Variants in CYLC2 observed in about 807,000 individuals in gnomAD.
CYLC2 encodes cylicin 2, also known as cylicin-2.
In CYLC2, 30 loss-of-function variants were observed where a neutral mutation model predicts 26.1. The observed-to-expected ratio is 1.15, with a 90% CI of 0.86 to 1.56. CYLC2 has a LOEUF of 1.56. Among genes scored for constraint, CYLC2 ranks in the 40% most tolerant of loss-of-function variants. The pLI is 0.00. For missense variants in CYLC2, 498 were observed against 394.4 expected (o/e 1.26, Z -2.23); for synonymous variants, 158 against 132.8 (o/e 1.19, Z -1.31).
intron 3 of CYLC2, 100 bp downstream of exon 3, chr9:103,003,363 A>T: frequency 6.5e-6 from 7 of 1,074,544 alleles, no homozygotes; most frequent in South Asian, 3.3e-5. Flanking sequence ...AGTAATCACT[A>T]AGTAGTAAGC....
At chr9:103,012,941 A>G (rs1829423648) in intron 6 of CYLC2, among the ~76,000 whole-genome samples, 1 of 150,778 alleles carries the variant, frequency 6.6e-6, no homozygotes, top group African/African-American at 2.4e-5. Flanking sequence ...ATTCGGAAAA[A>G]AAGTTAAATT....
chr9:103,015,555 AT>A (rs1320442380), intron 6 of CYLC2, among the ~76,000 whole-genome samples: 10 of 143,206 alleles, frequency 7.0e-5, no homozygotes, highest in Non-Finnish European at 1.4e-4. Flanking sequence ...TATATAAAAT[AT>A]ATGTATATAT....
At chr9:102,996,809 T>G (rs1424409925) in intron 1 of CYLC2, among the ~76,000 whole-genome samples, 1 of 151,984 alleles carries the variant, frequency 6.6e-6, no homozygotes, top group Non-Finnish European at 1.5e-5. Flanking sequence ...ATTCCTTCTC[T>G]AATACCTTTG....
chr9:102,995,487 T>C, intron 1 of CYLC2, 90 bp downstream of exon 1: 3 of 921,606 alleles, frequency 3.3e-6, no homozygotes, highest in Admixed American at 1.8e-5. Context: ...TATTATATTA[T>C]TATGATGCCA....
At chr9:103,002,707 A>G in intron 2 of CYLC2, among the ~76,000 whole-genome samples, 1 of 152,104 alleles carries the variant, frequency 6.6e-6, no homozygotes, top group East Asian at 1.9e-4. Context: ...CTTAAGTCTT[A>G]GCACTTAGAT....
Position 103,005,841 on chromosome 9 carries a change from T to G in CYLC2, c.*163T>G. 1 of 730,366 alleles carries G rather than the reference T, an allele frequency of 1.4e-6. No homozygotes were observed. Among genetic ancestry groups the G allele is most frequent in the Non-Finnish European group, 2.2e-6 (1 of 460,272 alleles). 45.2% of individuals were successfully genotyped at this position (730,366 alleles called of 1,614,324 possible). ...GATACAAAGGAGAACTCAGCAGAGA[T>G]TTATAAAAATATATAAGAAAGATGT... On this transcript the variant is annotated 3_prime_UTR_variant, in exon 5 of 8. Transcript: ENST00000374798.
At chr9:103,010,255 GTAA>G (rs1829393527) in intron 5 of CYLC2, among the ~76,000 whole-genome samples, 1 of 152,016 alleles carries the variant, frequency 6.6e-6, no homozygotes, top group Admixed American at 6.6e-5. Context: ...GAAAATCCTT[GTAA>G]AAGCAGTGGC....
In CYLC2 at chr9:103,012,065, CT is replaced by C. The variant is rs996498964; in HGVS notation, c.*785del. On this transcript the variant is annotated 3_prime_UTR_variant, in exon 6 of 8. Transcript: ENST00000374798. ...CCACCTTCAGGTTCAAGTGATTCTC[CT>C]GCCTCAGCCTCTCTGGTAGCTGGGA... 4.1e-5 allele frequency: 6 copies of C among 146,188 alleles called. No individual in the cohort carries two copies. The highest frequency in any genetic ancestry group is 1.5e-4 in the African/African-American group (6 of 39,664). The allele number at this position is 146,188 out of a possible 1,614,324, so 9.1% of individuals were successfully genotyped here.
chr9:103,014,696 CGT>C (rs1449423191), intron 6 of CYLC2, among the ~76,000 whole-genome samples: 2 of 124,216 alleles, frequency 1.6e-5, no homozygotes, highest in Admixed American at 8.8e-5. Context: ...ATGTAATATA[CGT>C]ATGTATATTA....
chr9:103,012,826 C>T, intron 6 of CYLC2, among the ~76,000 whole-genome samples: 1 of 151,216 alleles, frequency 6.6e-6, no homozygotes, highest in East Asian at 1.9e-4. Flanking sequence ...AAAATAGCTG[C>T]CATAGTCATC....
At chr9:102,999,307 A>C (rs1399336025) in intron 1 of CYLC2, among the ~76,000 whole-genome samples, 1 of 151,834 alleles carries the variant, frequency 6.6e-6, no homozygotes, top group South Asian at 2.1e-4. Flanking sequence ...ATAATCATTA[A>C]ACTAGTATAA....
At chr9:103,014,130 A>C (rs1829457447) in intron 6 of CYLC2, among the ~76,000 whole-genome samples, 2 of 119,786 alleles carry the variant, frequency 1.7e-5, no homozygotes, top group Non-Finnish European at 3.2e-5. Flanking sequence ...ATATTATATT[A>C]TAATATATTA....
chr9:103,006,556 G>A (rs1452008985), intron 5 of CYLC2, among the ~76,000 whole-genome samples, 178 bp downstream of exon 5: 1 of 152,014 alleles, frequency 6.6e-6, no homozygotes, highest in Admixed American at 6.6e-5. Flanking sequence ...TGGACTACAG[G>A]CGCCTGCCAC....
Position 103,005,346 on chromosome 9 carries a change from G to A in CYLC2, c.715G>A (p.Ala239Thr), listed in dbSNP as rs1330639871. ...DSAIELQAVK[A>T]DEKKDEDGKK... Reference sequence around the variant, plus strand: ...AGCCATAGAATTACAAGCTGTAAAAGCAGATGAAAAGAAGGATGAGGATGG... The same window carrying A: ...AGCCATAGAATTACAAGCTGTAAAAACAGATGAAAAGAAGGATGAGGATGG... The change falls in exon 5 of 8, where the codon GCA becomes ACA. Residue 239 changes from alanine to threonine, a missense_variant. Coordinates refer to ENST00000374798, the MANE Select transcript of CYLC2 (RefSeq NM_001340.5). 2 of 1,613,744 alleles carry A rather than the reference G, an allele frequency of 1.2e-6. No individual in the cohort carries two copies. Among genetic ancestry groups the A allele is most frequent in the African/African-American group, 1.3e-5 (1 of 74,894 alleles).
chr9:103,005,244 G>T lies in CYLC2; in HGVS notation c.613G>T (p.Glu205Ter), dbSNP rs866396320. ...DSNKGKDSAT[E>*]SEGEKGGTEK... The stretch of plus-strand genomic sequence containing the variant: ...AAACAAAGGCAAAGACTCGGCAACA[G>T]AATCTGAAGGTGAAAAAGGAGGTAC... The change falls in exon 5 of 8, where the codon GAA becomes TAA. Residue 205 changes from glutamate to a stop codon, truncating the protein, a stop_gained. Coordinates refer to ENST00000374798, the MANE Select transcript of CYLC2 (RefSeq NM_001340.5). LOFTEE classifies it high-confidence loss of function. The T allele has an allele frequency of 3.7e-6, 6 of 1,612,924 alleles. No individual in the cohort carries two copies. The South Asian group carries it at 6.6e-5, about 18-fold the overall frequency.
intron 6 of CYLC2, among the ~76,000 whole-genome samples, chr9:103,015,348 ATT>A (rs1829488965): frequency 7.8e-6 from 1 of 127,846 alleles, no homozygotes; most frequent in East Asian, 2.1e-4. Context: ...TGTTATATAT[ATT>A]ATATATAATC....
intron 6 of CYLC2, among the ~76,000 whole-genome samples, chr9:103,013,975 A>T (rs1262039071): frequency 2.0e-5 from 2 of 99,280 alleles, no homozygotes; most frequent in Non-Finnish European, 1.9e-5. Context: ...ATTATATTAT[A>T]TATTATTTAA....
chr9:103,006,624 C>A (rs1829354641), intron 5 of CYLC2, among the ~76,000 whole-genome samples: 1 of 151,934 alleles, frequency 6.6e-6, no homozygotes, highest in African/African-American at 2.4e-5. Flanking sequence ...CCGTGTTAGC[C>A]AAGATGGTCT....
At chr9:102,999,289 T>C (rs1351703992) in intron 1 of CYLC2, among the ~76,000 whole-genome samples, 1 of 151,898 alleles carries the variant, frequency 6.6e-6, no homozygotes, top group Non-Finnish European at 1.5e-5. Flanking sequence ...ATTTAAACTA[T>C]TTATCATATA....
Sources: allele counts gnomAD v4.1 joint callset (sites outside exome capture counted in the v4.1 genomes callset), GRCh38; gene constraint gnomAD v4.1.1; transcripts MANE v1.5; gene names NCBI Gene and HGNC (gene_info 2026-07-23, HGNC 2026-07-21).